The following NLK variants were observed in gnomAD, a reference collection of about 807,000 sequenced individuals.
NLK encodes nemo like kinase, also known as serine/threonine-protein kinase NLK.
Under a neutral mutation model 59.0 loss-of-function variants are expected in NLK, and 11 were observed. The observed-to-expected ratio is 0.19, with a 90% CI of 0.12 to 0.31. The LOEUF is 0.31. Among genes scored for constraint, NLK ranks in the 10% least tolerant of loss-of-function variants. The pLI, the probability that NLK is intolerant of heterozygous loss-of-function variation, is 1.00. For missense variants in NLK, 410 were observed against 661.1 expected (o/e 0.62, Z 4.16); for synonymous variants, 235 against 235.9 (o/e 1.00, Z 0.03).
At chr17:28,179,500 G>A (rs531716490) in intron 7 of NLK, among the ~76,000 whole-genome samples, 20 of 152,102 alleles carry the variant, frequency 1.3e-4, no homozygotes, top group African/African-American at 4.6e-4. Flanking sequence ...GGAGGCCAAG[G>A]CAGGCAAATC....
At chr17:28,176,957 A>G (rs1454893978) in intron 7 of NLK, among the ~76,000 whole-genome samples, 1 of 152,200 alleles carries the variant, frequency 6.6e-6, no homozygotes, top group Non-Finnish European at 1.5e-5. Context: ...AAATCCATGT[A>G]TAAGTCGATT....
intron 1 of NLK, among the ~76,000 whole-genome samples, chr17:28,057,134 T>C (rs1359567480): frequency 6.6e-6 from 1 of 151,968 alleles, no homozygotes; most frequent in Non-Finnish European, 1.5e-5. Flanking sequence ...TTTGTATTTT[T>C]AGTAGAGAGG....
At chr17:28,122,831 A>C in intron 2 of NLK, 99 bp downstream of exon 2, 1 of 1,380,238 alleles carries the variant, frequency 7.2e-7, no homozygotes. Flanking sequence ...TATAAGTAAA[A>C]TTTGGAAATT....
At chr17:28,185,838 A>G (rs1346175538) in intron 8 of NLK, among the ~76,000 whole-genome samples, 1 of 152,118 alleles carries the variant, frequency 6.6e-6, no homozygotes, top group Non-Finnish European at 1.5e-5. Context: ...GCGCCCGGCC[A>G]GGACACAAAG....
chr17:28,068,690 A>G (rs1314896135), intron 1 of NLK, among the ~76,000 whole-genome samples: 1 of 151,962 alleles, frequency 6.6e-6, no homozygotes. Flanking sequence ...AATTTTTTCT[A>G]TTTTTTAGAG....
intron 3 of NLK, among the ~76,000 whole-genome samples, chr17:28,143,891 T>C (rs977430394): frequency 6.6e-6 from 1 of 152,264 alleles, no homozygotes; most frequent in Non-Finnish European, 1.5e-5. Context: ...AAAGCGTTTA[T>C]TCAGCAGTGC....
intron 5 of NLK, among the ~76,000 whole-genome samples, chr17:28,166,870 A>G (rs187465268): frequency 2.5e-4 from 38 of 152,370 alleles, no homozygotes; most frequent in Non-Finnish European, 5.3e-4. Flanking sequence ...AGATTCTAAC[A>G]TACAGTCTGT....
At chr17:28,101,455 T>C (rs1904899484) in intron 1 of NLK, among the ~76,000 whole-genome samples, 1 of 152,236 alleles carries the variant, frequency 6.6e-6, no homozygotes, top group African/African-American at 2.4e-5. Flanking sequence ...AATTTCTCTT[T>C]GCAATGTTTT....
At chr17:28,164,570 TTTCATTTAAAAAGGGGC>T (rs1908144392) in intron 5 of NLK, among the ~76,000 whole-genome samples, 1 of 152,144 alleles carries the variant, frequency 6.6e-6, no homozygotes, top group Admixed American at 6.5e-5. Flanking sequence ...AGCCATTGTC[TTTCATTTAAAAAGGGGC>T]TTGCAAATAG....
intron 7 of NLK, among the ~76,000 whole-genome samples, chr17:28,181,001 C>T (rs1031831562): frequency 1.3e-5 from 2 of 152,146 alleles, no homozygotes; most frequent in African/African-American, 4.8e-5. Flanking sequence ...CACTTGTAAT[C>T]CTAGCACTTC....
chr17:28,085,185 G>T (rs560630852), intron 1 of NLK, among the ~76,000 whole-genome samples: 2 of 152,186 alleles, frequency 1.3e-5, no homozygotes, highest in South Asian at 4.1e-4. Context: ...AAATTATCAC[G>T]TTTTATGCCT....
At chr17:28,096,956 C>G (rs903981164) in intron 1 of NLK, among the ~76,000 whole-genome samples, 6 of 152,102 alleles carry the variant, frequency 3.9e-5, no homozygotes, top group African/African-American at 1.2e-4. Flanking sequence ...TAGGATGGAG[C>G]CTTTCCCTTG....
At chr17:28,077,503 G>A (rs946691016) in intron 1 of NLK, among the ~76,000 whole-genome samples, 1 of 152,054 alleles carries the variant, frequency 6.6e-6, no homozygotes, top group African/African-American at 2.4e-5. Context: ...TGAGATTTGG[G>A]TGGGGACACA....
chr17:28,061,718 A>G (rs1208173866), intron 1 of NLK, among the ~76,000 whole-genome samples: 1 of 149,548 alleles, frequency 6.7e-6, no homozygotes, highest in Non-Finnish European at 1.5e-5. Context: ...TTTTCTGTAC[A>G]AATTTCTCAA....
At chr17:28,080,785 A>G (rs1447914766) in intron 1 of NLK, among the ~76,000 whole-genome samples, 5 of 152,186 alleles carry the variant, frequency 3.3e-5, no homozygotes, top group Non-Finnish European at 4.4e-5. Flanking sequence ...AAATGTTAGA[A>G]CTAGCTGCTT....
chr17:28,122,529 A>G (rs1478580495), intron 1 of NLK, 74 bp from the exon 2 acceptor site: 41 of 1,505,676 alleles, frequency 2.7e-5, no homozygotes, highest in Non-Finnish European at 3.8e-5. Flanking sequence ...TCATGATCTG[A>G]AACATTGGAA....
intron 3 of NLK, among the ~76,000 whole-genome samples, chr17:28,147,071 A>G (rs549431746): frequency 1.3e-5 from 2 of 152,216 alleles, no homozygotes; most frequent in South Asian, 4.2e-4. Context: ...TGATTTTTAC[A>G]TGTCAATGTC....
At chr17:28,054,764 T>C (rs1376109088) in intron 1 of NLK, among the ~76,000 whole-genome samples, 1 of 152,166 alleles carries the variant, frequency 6.6e-6, no homozygotes, top group Non-Finnish European at 1.5e-5. Context: ...TTTAAAGGGA[T>C]AGTATGATTT....
chr17:28,168,049 G>A (rs1260802732), intron 5 of NLK, among the ~76,000 whole-genome samples: 1 of 151,838 alleles, frequency 6.6e-6, no homozygotes, highest in African/African-American at 2.4e-5. Context: ...GAGTGGCCGG[G>A]CGCAGTGGCT....
Sources: gnomAD v4.1 joint callset for allele counts (sites outside exome capture counted in the v4.1 genomes callset) on GRCh38, gnomAD v4.1.1 for gene constraint, MANE v1.5 for transcripts, NCBI Gene and HGNC (gene_info 2026-07-23, HGNC 2026-07-21) for gene names.